ABCC8: variants seen among roughly 807,000 people sequenced by gnomAD.
ABCC8 encodes ATP-binding cassette sub-family C member 8.
Under a neutral mutation model 188.0 loss-of-function variants are expected in ABCC8, and 137 were observed. That is an observed-to-expected ratio of 0.73 (90% CI 0.63 to 0.84). The LOEUF (loss-of-function observed/expected upper bound fraction) is 0.84. Ranked by LOEUF, ABCC8 falls within the 40% of genes least tolerant of loss-of-function variation. The pLI is 0.00. For missense variants in ABCC8, 1,750 were observed against 2,072.7 expected, an observed-to-expected ratio of 0.84 and a Z score of 3.02; for synonymous variants, 797 against 846.5, an observed-to-expected ratio of 0.94 and a Z score of 1.01.
chr11:17,470,032 G>T, intron 3 of ABCC8, 69 bp downstream of exon 3: 1 of 1,572,176 alleles, frequency 6.4e-7, no homozygotes, highest in South Asian at 1.1e-5. Context: ...GGCACATAAT[G>T]AGTCCTCAGT....
Position 17,414,624 on chromosome 11 carries a change from G to A in ABCC8, c.2292-14C>T, listed in dbSNP as rs756881134. 3.0e-5 allele frequency: 48 copies of A among 1,613,978 alleles called. No individual in the cohort carries two copies. Among genetic ancestry groups the A allele is most frequent in the Non-Finnish European group, 1.7e-6 (2 of 1,180,044 alleles). On this transcript the variant is annotated splice_polypyrimidine_tract_variant and intron_variant, in intron 18 of 38. Coordinates refer to ENST00000389817, the MANE Select transcript of ABCC8 (RefSeq NM_000352.6). ...GGGCCTCTCTTCCTGGAAAAAGCAG[G>A]GCGGGAGTAGGGGGTGCGGAAGGCA...
In ABCC8 at chr11:17,404,742, T is replaced by C. The variant is rs1348852996; in HGVS notation, c.3400-73A>G. The C allele has an allele frequency of 6.5e-7, 1 of 1,543,992 alleles. No homozygotes were observed. ...GTGTTTAGAGTGCTACTGGCCGCCA[T>C]GTTTTGCTCTCACTTTATTTTTTGA... On this transcript the variant is annotated intron_variant, in intron 27 of 38. Transcript: ENST00000389817. This position sits in a 1 kb window ranked among gnomAD's most constrained non-coding sequence, Gnocchi z 4.7.
chr11:17,439,777 G>C (rs1472587488), intron 10 of ABCC8, among the ~76,000 whole-genome samples: 1 of 152,146 alleles, frequency 6.6e-6, no homozygotes, highest in Non-Finnish European at 1.5e-5. Flanking sequence ...TAGGTGACTT[G>C]GACACGTGAG....
chr11:17,457,011 A>G (rs947911415), intron 6 of ABCC8, among the ~76,000 whole-genome samples: 2 of 152,190 alleles, frequency 1.3e-5, no homozygotes, highest in African/African-American at 4.8e-5. Context: ...GTGAGCACAG[A>G]TAAGGGGCAT....
At chr11:17,473,089 A>T (rs1848567477) in intron 2 of ABCC8, among the ~76,000 whole-genome samples, 1 of 152,208 alleles carries the variant, frequency 6.6e-6, no homozygotes, top group Non-Finnish European at 1.5e-5. Context: ...AATGCTTATG[A>T]GGCCCAGAAA....
At chr11:17,446,426 T>C (rs1385596412) in intron 8 of ABCC8, among the ~76,000 whole-genome samples, 3 of 151,836 alleles carry the variant, frequency 2.0e-5, no homozygotes, top group Non-Finnish European at 4.4e-5. Context: ...TGGTCAGAAA[T>C]CTTCATTTTT....
chr11:17,460,822 C>G, intron 5 of ABCC8, 146 bp from the exon 6 acceptor site: 1 of 1,491,720 alleles, frequency 6.7e-7, no homozygotes, highest in Admixed American at 2.1e-5. Context: ...AGGAAGAGAT[C>G]ATGGAATCAG....
At chr11:17,395,568 C>A (rs1189349398) in intron 35 of ABCC8, 42 bp downstream of exon 35, 5 of 1,541,638 alleles carry the variant, frequency 3.2e-6, no homozygotes, top group Non-Finnish European at 4.4e-6. Flanking sequence ...TGGAACTGAG[C>A]CGGCCTGGGG....
At chr11:17,395,395 C>A (rs747630692) in intron 35 of ABCC8, 120 bp from the exon 36 acceptor site, 2 of 1,530,028 alleles carry the variant, frequency 1.3e-6, no homozygotes, top group East Asian at 2.5e-5. Context: ...GGAGAAGCAC[C>A]GAGGTGGTGG....
intron 31 of ABCC8, 37 bp from the exon 32 acceptor site, chr11:17,397,350 C>T (rs546121239): frequency 2.7e-5 from 43 of 1,604,558 alleles, no homozygotes; most frequent in Non-Finnish European, 3.4e-5. Context: ...ACTCCATGGT[C>T]GCTTAGTTCT....
intron 31 of ABCC8, 126 bp downstream of exon 31, chr11:17,397,558 C>T: frequency 6.9e-7 from 1 of 1,441,950 alleles, no homozygotes; most frequent in Non-Finnish European, 9.4e-7. Context: ...CCCGCACTGT[C>T]CCTCTGGCAT....
At chr11:17,407,197 T>G in intron 24 of ABCC8, 68 bp from the exon 25 acceptor site, 1 of 1,600,536 alleles carries the variant, frequency 6.2e-7, no homozygotes, top group Non-Finnish European at 8.5e-7. Flanking sequence ...TCAGGGCATT[T>G]TATCCCCACT....
At chr11:17,450,457 C>T (rs750737195) in intron 7 of ABCC8, among the ~76,000 whole-genome samples, 1 of 141,982 alleles carries the variant, frequency 7.0e-6, no homozygotes, top group African/African-American at 2.6e-5. Flanking sequence ...TGCGGTGGTG[C>T]CATCTCGGCT....
intron 29 of ABCC8, among the ~76,000 whole-genome samples, chr11:17,399,819 G>T (rs16934019): frequency 0.095 from 14,464 of 152,210 alleles, 2,283 homozygotes; most frequent in African/African-American, 0.32. Context: ...GAATCTCTCT[G>T]CACAGGGAAC....
At chr11:17,468,132 T>TGTGGGG (rs1243820489) in intron 3 of ABCC8, among the ~76,000 whole-genome samples, 1 of 152,120 alleles carries the variant, frequency 6.6e-6, no homozygotes. Context: ...CTCCCATTCA[T>TGTGGGG]ACTCATGTGG....
rs1956873950 is a variant in ABCC8, at chr11:17,453,164, G to A, written c.1131C>T (p.Tyr377=). The A allele has an allele frequency of 6.2e-7, 1 of 1,613,980 alleles. No individual in the cohort carries two copies. The highest frequency in any genetic ancestry group is 8.5e-7 in the Non-Finnish European group (1 of 1,180,028). Residue 377 remains tyrosine (Y), a synonymous_variant, in exon 7 of 39, where the codon TAC becomes TAT. Coordinates refer to ENST00000389817, the MANE Select transcript of ABCC8 (RefSeq NM_000352.6). Reference sequence around the variant, plus strand: ...TAATTCCAGTTTCAATGGCCACATAGTAGGATGCTTGCAGAAATGTCCTTT... The same window carrying A: ...TAATTCCAGTTTCAATGGCCACATAATAGGATGCTTGCAGAAATGTCCTTT... ...LLQRTFLQAS[Y]YVAIETGINL...
chr11:17,404,780 T>G lies in ABCC8; in HGVS notation c.3400-111A>C. On this transcript the variant is annotated intron_variant, in intron 27 of 38. Transcript: ENST00000389817. This position sits in a 1 kb window ranked among gnomAD's most constrained non-coding sequence, Gnocchi z 4.7. ...CTTTATTTTTTGATCCTTTATTTTT[T>G]TGAGACTGAGTCTCACTGTTGCCCA... 6.8e-7 allele frequency: 1 copy of G among 1,481,262 alleles called. No homozygotes were observed. The highest frequency in any genetic ancestry group is 2.5e-5 in the East Asian group (1 of 40,384). The allele number at this position is 1,481,262 out of a possible 1,614,324, so 91.8% of individuals were successfully genotyped here.
chr11:17,400,155 C>T (rs551846067), intron 29 of ABCC8, among the ~76,000 whole-genome samples: 2 of 152,254 alleles, frequency 1.3e-5, no homozygotes, highest in Admixed American at 1.3e-4. Context: ...ATTGTCTCTG[C>T]GTGGAGAGAG....
intron 5 of ABCC8, chr11:17,461,213 A>AC: frequency 2.7e-6 from 1 of 369,962 alleles, no homozygotes; most frequent in South Asian, 2.4e-5. Flanking sequence ...GGCCACTAAC[A>AC]CCCCTGCTCC....
Sources: gnomAD v4.1 joint callset for allele counts (sites outside exome capture counted in the v4.1 genomes callset) on GRCh38, gnomAD v4.1.1 for gene constraint, Gnocchi (gnomAD v3.1) non-coding constraint, MANE v1.5 for transcripts, NCBI Gene and HGNC (gene_info 2026-07-23, HGNC 2026-07-21) for gene names.